ZNF638: variants seen among roughly 807,000 people sequenced by gnomAD.
The protein encoded by ZNF638 is CTCL tumor antigen se33-1.
ZNF638 carries 46 observed loss-of-function variants against 195.6 expected under a neutral mutation model. The ratio of observed to expected loss-of-function variants is 0.24; its 90% CI spans 0.19 to 0.30. The LOEUF (loss-of-function observed/expected upper bound fraction) is 0.30. Ranked by LOEUF, ZNF638 falls within the 10% of genes least tolerant of loss-of-function variation. ZNF638 has a pLI of 1.00. For missense variants in ZNF638, 2,440 were observed against 2,325.3 expected, an observed-to-expected ratio of 1.05 and a Z score of -1.01; for synonymous variants, 845 against 772.0, an observed-to-expected ratio of 1.09 and a Z score of -1.57.
chr2:71,379,966 C>CG (rs1394130693), intron 8 of ZNF638: 2 of 272,786 alleles, frequency 7.3e-6, no homozygotes, highest in Non-Finnish European at 1.4e-5. Context: ...AGCACGAGCA[C>CG]GGTTTCAAGG....
In ZNF638 at chr2:71,422,951, C is replaced by T. The variant is rs750819871; in HGVS notation, c.3437C>T (p.Pro1146Leu). Residue 1146 changes from proline to leucine, a missense_variant, in exon 22 of 28, where the codon CCT becomes CTT. By Grantham distance (98) the Pro-to-Leu change is moderately conservative. Around this residue, in one of 5 missense-constraint regions of ZNF638, gnomAD observed 1,883 missense variants for 1,739.1 expected, o/e 1.08. Transcript: ENST00000264447. ...QTETLVQQEE[P>L]CEEEAEKATC... is the part of the protein sequence containing the mutation. ...GAAACTTTGGTACAGCAGGAAGAGC[C>T]TTGTGAGGAAGAAGCTGAAAAAGCA... 1 of 1,614,038 alleles carries T rather than the reference C, an allele frequency of 6.2e-7. No individual in the cohort carries two copies. The highest frequency in any genetic ancestry group is 1.1e-5 in the South Asian group (1 of 91,080).
At chr2:71,420,594 G>C (rs769876743) in intron 21 of ZNF638, among the ~76,000 whole-genome samples, 1 of 152,134 alleles carries the variant, frequency 6.6e-6, no homozygotes, top group Non-Finnish European at 1.5e-5. Flanking sequence ...TGAAATTCTG[G>C]TATTACTGGG....
intron 16 of ZNF638, 133 bp downstream of exon 16, chr2:71,402,220 A>G: frequency 2.2e-6 from 2 of 929,244 alleles, no homozygotes; most frequent in Non-Finnish European, 3.0e-6. Context: ...AGGGATTTTA[A>G]AATATAAAAC....
rs374154559 is a variant in ZNF638 at position 71,410,602 on chromosome 2, T to C, written c.3261+2355T>C. Among the ~76,000 whole-genome samples, 6 of 152,186 alleles carry C rather than the reference T, an allele frequency of 3.9e-5. No homozygotes were observed. The South Asian group carries it at 8.3e-4, about 21-fold the overall frequency. On this transcript the variant is annotated intron_variant, in intron 20 of 27. Transcript: ENST00000264447. ...ATGAACATTGTTTCAATGTCCTAGT[T>C]CTCAAGGATTATATTTTAGTGGAGG...
intron 23 of ZNF638, 28 bp from the exon 24 acceptor site, chr2:71,426,432 A>T (rs757132014): frequency 9.9e-6 from 15 of 1,511,096 alleles, no homozygotes; most frequent in Non-Finnish European, 1.2e-5. Context: ...ATTTGTTTAC[A>T]ATACTATGAT....
intron 2 of ZNF638, 55 bp from the exon 3 acceptor site, chr2:71,355,663 TC>T: frequency 8.7e-7 from 1 of 1,148,828 alleles, no homozygotes; most frequent in Non-Finnish European, 1.3e-6. Flanking sequence ...AAAGCCTAAT[TC>T]ATTAGTCAAC....
At position 71,349,144 on chromosome 2, in the gene ZNF638, A is replaced by G. The variant is rs749902397; in HGVS notation, c.190A>G (p.Met64Val). 2 of 1,614,176 alleles carry G rather than the reference A, an allele frequency of 1.2e-6. No homozygotes were observed. Among genetic ancestry groups the G allele is most frequent in the Non-Finnish European group, 1.7e-6 (2 of 1,180,022 alleles). The change falls in exon 2 of 28, where the codon ATG becomes GTG. Residue 64 changes from methionine (M) to valine (V), a missense_variant. Coordinates refer to ENST00000264447, the MANE Select transcript of ZNF638 (RefSeq NM_014497.5). ...RFAGHESYQN[M>V]GPQRMNVQVT... ...TGCTGGCCATGAATCTTATCAGAAC[A>G]TGGGGCCACAGAGAATGAATGTTCA...
At position 71,342,218 on chromosome 2, in the gene ZNF638, C is replaced by CAAAAAAA. The variant is rs70959232; in HGVS notation, c.-202-6522_-202-6516dup. Among the ~76,000 whole-genome samples the CAAAAAAA allele has an allele frequency of 1.6e-4, 16 of 99,258 alleles. 1 individual carries two copies. Among genetic ancestry groups the CAAAAAAA allele is most frequent in the African/African-American group, 5.9e-4 (15 of 25,524 alleles). 65.1% of individuals were successfully genotyped at this position (99,258 alleles called of 152,430 possible). On this transcript the variant is annotated intron_variant, in intron 1 of 27. Transcript: ENST00000264447. ...CCTGGGTGACAGTGAGACTCTGTCTCAAAAAAAAAAAAAAAAAAAGTCATA... is the reference window on the plus strand; with the variant it reads ...CCTGGGTGACAGTGAGACTCTGTCTCAAAAAAAAAAAAAAAAAAAAAAAAAAGTCATA...
intron 4 of ZNF638, 152 bp from the exon 5 acceptor site, chr2:71,363,802 A>G (rs1046425001): frequency 5.8e-5 from 54 of 926,228 alleles, no homozygotes; most frequent in Admixed American, 2.4e-4. Context: ...GAATTACATC[A>G]TAACAAACAG....
chr2:71,343,610 A>T (rs1380885571), intron 1 of ZNF638, among the ~76,000 whole-genome samples: 1 of 152,200 alleles, frequency 6.6e-6, no homozygotes, highest in Non-Finnish European at 1.5e-5. Flanking sequence ...AATTAAATGG[A>T]ATAGAAGAGA....
At chr2:71,363,059 G>A in intron 3 of ZNF638, 94 bp from the exon 4 acceptor site, 6 of 885,096 alleles carry the variant, frequency 6.8e-6, no homozygotes, top group Admixed American at 4.6e-5. Flanking sequence ...AATAAAAGTT[G>A]TGAAAAGTCC....
chr2:71,337,128 T>A (rs968999535), intron 1 of ZNF638, among the ~76,000 whole-genome samples: 1 of 150,996 alleles, frequency 6.6e-6, no homozygotes, highest in East Asian at 1.9e-4. Flanking sequence ...TCTTGCCATA[T>A]TGCCTATAGT....
chr2:71,368,561 CAA>C (rs1205933897), intron 7 of ZNF638, 33 bp downstream of exon 7: 1 of 1,605,502 alleles, frequency 6.2e-7, no homozygotes, highest in African/African-American at 1.3e-5. Flanking sequence ...AAAATTCATA[CAA>C]AGTGATTGCT....
intron 20 of ZNF638, among the ~76,000 whole-genome samples, chr2:71,412,087 C>T (rs2080240828): frequency 9.3e-6 from 1 of 107,606 alleles, no homozygotes; most frequent in African/African-American, 3.9e-5. Context: ...TTTACAGTCC[C>T]ACCAACAGTG....
intron 10 of ZNF638, chr2:71,395,612 A>G (rs1052419540): frequency 8.8e-6 from 5 of 570,862 alleles, no homozygotes; most frequent in South Asian, 1.5e-5. Flanking sequence ...TGGGGGTGAC[A>G]ATTACCTACA....
intron 3 of ZNF638, among the ~76,000 whole-genome samples, chr2:71,361,335 T>G (rs189632559): frequency 6.6e-6 from 1 of 152,368 alleles, no homozygotes; most frequent in Admixed American, 6.5e-5. Context: ...ATAACTTTGA[T>G]GTGTTGTTAA....
At chr2:71,387,480 G>A (rs1218566746) in intron 10 of ZNF638, among the ~76,000 whole-genome samples, 3 of 152,040 alleles carry the variant, frequency 2.0e-5, no homozygotes, top group African/African-American at 7.2e-5. Context: ...AGACCAGCCT[G>A]GCCAACATGG....
chr2:71,388,844 GCTTAAAGCTAGCAGAGC>G, intron 10 of ZNF638: 1 of 676,422 alleles, frequency 1.5e-6, no homozygotes, highest in Non-Finnish European at 2.7e-6. Context: ...TGAAACAACT[GCTTAAAGCTAGCAGAGC>G]CTCGGTTTCA....
rs72840997 is a variant in ZNF638 at position 71,427,750 on chromosome 2, A to G, written c.5545+336A>G. On this transcript the variant is annotated intron_variant, in intron 24 of 27. Coordinates refer to ENST00000264447, the MANE Select transcript of ZNF638 (RefSeq NM_014497.5). ...TTTTGATAAATAGAAGAACATTTAC[A>G]TCAGATTACCTCCCAGTTTTTGCTT... 2.9e-3 allele frequency among the ~76,000 whole-genome samples: 445 copies of G among 152,378 alleles called. 2 individuals are homozygous for G. Among genetic ancestry groups the G allele is most frequent in the Non-Finnish European group, 5.0e-3 (337 of 68,034 alleles).
Sources: allele counts gnomAD v4.1 joint callset (sites outside exome capture counted in the v4.1 genomes callset), GRCh38; gene constraint gnomAD v4.1.1; regional missense constraint gnomAD v4.1.1; transcripts MANE v1.5; gene names NCBI Gene and HGNC (gene_info 2026-07-23, HGNC 2026-07-21).